METTL15: variants seen among roughly 807,000 people sequenced by gnomAD.
METTL15 encodes the protein 12S rRNA N(4)-cytidine methyltransferase METTL15.
A neutral mutation model predicts 38.3 loss-of-function variants in METTL15; 34 were observed. The observed-to-expected ratio is 0.89, with a 90% CI of 0.68 to 1.18. METTL15 has a LOEUF of 1.18. Among genes scored for constraint, METTL15 ranks in the 50% most tolerant of loss-of-function variants. The pLI is 0.00. For synonymous variants in METTL15, 162 were observed against 170.9 expected (o/e 0.95, Z 0.41); for missense variants, 438 against 498.4 (o/e 0.88, Z 1.15).
chr11:28,111,631 T>G (rs1178543118), intron 2 of METTL15, among the ~76,000 whole-genome samples: 3 of 152,198 alleles, frequency 2.0e-5, no homozygotes, highest in African/African-American at 7.2e-5. Flanking sequence ...GGGGGTAGAC[T>G]GTGTTACAAT....
chr11:28,235,872 C>T (rs1054536255), intron 4 of METTL15, among the ~76,000 whole-genome samples: 4 of 152,132 alleles, frequency 2.6e-5, no homozygotes, highest in South Asian at 4.1e-4. Context: ...AGAGGGCATC[C>T]GTGTCTTGTG....
chr11:28,306,244 C>G (rs1475770503), intron 6 of METTL15, among the ~76,000 whole-genome samples: 1 of 152,068 alleles, frequency 6.6e-6, no homozygotes, highest in Non-Finnish European at 1.5e-5. Flanking sequence ...AGTACTTCTG[C>G]AAGTGAAAAT....
intron 5 of METTL15, among the ~76,000 whole-genome samples, chr11:28,388,562 C>G (rs528973758): frequency 6.6e-6 from 1 of 152,166 alleles, no homozygotes; most frequent in Non-Finnish European, 1.5e-5. Flanking sequence ...CTAAAAGAAA[C>G]AAATAAATGT....
intron 3 of METTL15, among the ~76,000 whole-genome samples, chr11:28,175,012 A>G (rs1419585756): frequency 6.6e-6 from 1 of 151,808 alleles, no homozygotes; most frequent in Non-Finnish European, 1.5e-5. Context: ...TTAGTTACAT[A>G]TGTATACATG....
intron 4 of METTL15, among the ~76,000 whole-genome samples, chr11:28,217,497 A>G (rs1852946434): frequency 6.6e-6 from 1 of 151,968 alleles, no homozygotes; most frequent in Non-Finnish European, 1.5e-5. Context: ...ATTTTCTCCC[A>G]TTCTGTAGGT....
At chr11:28,317,544 C>A (rs1223150030) in intron 6 of METTL15, among the ~76,000 whole-genome samples, 2 of 152,142 alleles carry the variant, frequency 1.3e-5, no homozygotes, top group Non-Finnish European at 2.9e-5. Context: ...TAATTTCATT[C>A]ACAAGCTTAA....
intron 3 of METTL15, among the ~76,000 whole-genome samples, chr11:28,117,401 C>A (rs560803321): frequency 2.6e-5 from 4 of 151,660 alleles, no homozygotes; most frequent in South Asian, 4.2e-4. Flanking sequence ...GTTTATTAAA[C>A]CCTAGTAACA....
intron 6 of METTL15, among the ~76,000 whole-genome samples, chr11:28,460,241 C>T (rs1851203256): frequency 1.3e-5 from 2 of 152,052 alleles, no homozygotes; most frequent in Admixed American, 1.3e-4. Context: ...TAAATTGGCA[C>T]CGTCTTACTT....
rs1173554660 is a variant in METTL15, at chr11:28,130,451, G to GA, written c.270+16853dup. On this transcript the variant is annotated intron_variant, in intron 3 of 6. Coordinates refer to ENST00000407364, the MANE Select transcript of METTL15 (RefSeq NM_001113528.2). ...CATAACCATAATAGTCATACTATTTGAAAAAATAAGTGTTATAAGAAAGGC... is the reference window on the plus strand; with the variant it reads ...CATAACCATAATAGTCATACTATTTGAAAAAAATAAGTGTTATAAGAAAGGC... Among the ~76,000 whole-genome samples, 3 of 152,216 alleles carry GA rather than the reference G, an allele frequency of 2.0e-5. No homozygotes were observed. In the East Asian group the frequency reaches 5.8e-4, roughly 29 times the overall value.
At chr11:28,383,583 G>T (rs1183925832) in intron 5 of METTL15, among the ~76,000 whole-genome samples, 1 of 152,214 alleles carries the variant, frequency 6.6e-6, no homozygotes, top group East Asian at 1.9e-4. Context: ...ATTCCCACCA[G>T]CAGTGTGTAA....
chr11:28,290,507 A>T, intron 5 of METTL15, 110 bp downstream of exon 5: 2 of 887,006 alleles, frequency 2.3e-6, no homozygotes, highest in East Asian at 2.4e-5. Flanking sequence ...CCTACACCTA[A>T]CACTACCAAT....
intron 3 of METTL15, among the ~76,000 whole-genome samples, chr11:28,350,172 A>T (rs1850029257): frequency 6.6e-6 from 1 of 152,196 alleles, no homozygotes; most frequent in Non-Finnish European, 1.5e-5. Context: ...CGGTTCCTGT[A>T]TCCAAAAGAG....
At chr11:28,394,400 T>C (rs1314719163) in intron 5 of METTL15, among the ~76,000 whole-genome samples, 2 of 152,104 alleles carry the variant, frequency 1.3e-5, no homozygotes, top group Non-Finnish European at 2.9e-5. Flanking sequence ...ACAGCTCTAA[T>C]GGTCATATTC....
chr11:28,496,292 A>G (rs1414907766), intron 6 of METTL15, among the ~76,000 whole-genome samples: 1 of 152,206 alleles, frequency 6.6e-6, no homozygotes, highest in African/African-American at 2.4e-5. Flanking sequence ...TTTTAAAACC[A>G]TCAGATTCCA....
intron 6 of METTL15, among the ~76,000 whole-genome samples, chr11:28,302,158 A>G (rs1856936016): frequency 6.6e-6 from 1 of 152,010 alleles, no homozygotes; most frequent in Admixed American, 6.6e-5. Context: ...AGCGATCCCC[A>G]ACCTCCTGGC....
intron 3 of METTL15, among the ~76,000 whole-genome samples, chr11:28,182,163 T>A (rs1851314965): frequency 6.6e-6 from 1 of 152,188 alleles, no homozygotes; most frequent in African/African-American, 2.4e-5. Flanking sequence ...TATTAGTCAT[T>A]TGTCAGATGG....
intron 6 of METTL15, among the ~76,000 whole-genome samples, chr11:28,427,841 G>A (rs112443445): frequency 0.017 from 2,621 of 151,940 alleles, 50 homozygotes; most frequent in South Asian, 0.052. Context: ...GGGCTGAGAG[G>A]ATGGGATCAT....
intron 3 of METTL15, among the ~76,000 whole-genome samples, chr11:28,173,912 A>G (rs1366967341): frequency 1.3e-5 from 2 of 152,224 alleles, no homozygotes; most frequent in African/African-American, 4.8e-5. Flanking sequence ...GAGGAAGACT[A>G]CAGAGGTAAA....
intron 6 of METTL15, among the ~76,000 whole-genome samples, chr11:28,310,910 GCT>G (rs1857259529): frequency 1.0e-5 from 1 of 96,436 alleles, no homozygotes; most frequent in African/African-American, 4.0e-5. Context: ...TGCTGCTGCT[GCT>G]GCTGGTGGTG....
Sources: allele counts gnomAD v4.1 joint callset (sites outside exome capture counted in the v4.1 genomes callset), GRCh38; gene constraint gnomAD v4.1.1; transcripts MANE v1.5; gene names NCBI Gene and HGNC (gene_info 2026-07-23, HGNC 2026-07-21).